Variants in FUT8 observed in about 807,000 individuals in gnomAD.
FUT8 encodes the protein fucosyltransferase 8.
A neutral mutation model predicts 71.3 loss-of-function variants in FUT8; 29 were observed. The observed-to-expected ratio is 0.41, with a 90% CI of 0.30 to 0.55. The LOEUF (loss-of-function observed/expected upper bound fraction) is 0.55. Ranked by LOEUF, FUT8 falls within the 20% of genes least tolerant of loss-of-function variation. The pLI is 0.34. For synonymous variants in FUT8, 254 were observed against 239.3 expected, an observed-to-expected ratio of 1.06 and a Z score of -0.57; for missense variants, 544 against 702.1, an observed-to-expected ratio of 0.77 and a Z score of 2.55.
At chr14:65,716,354 T>TTATCATTA (rs1212773386) in intron 7 of FUT8, among the ~76,000 whole-genome samples, 2 of 151,972 alleles carry the variant, frequency 1.3e-5, no homozygotes, top group African/African-American at 4.8e-5. Context: ...ATTGATCCCT[T>TTATCATTA]TATCATTATA....
At chr14:65,515,439 T>G (rs1882645157) in intron 2 of FUT8, among the ~76,000 whole-genome samples, 2 of 152,002 alleles carry the variant, frequency 1.3e-5, no homozygotes, top group African/African-American at 4.8e-5. Context: ...AGTGAGACAC[T>G]TGAACATACC....
At chr14:65,402,583 G>T in the FUT8 span, among the ~76,000 whole-genome samples, 2 of 152,088 alleles carry the variant, frequency 1.3e-5, no homozygotes, top group African/African-American at 4.8e-5. Flanking sequence ...CAGGAGAATG[G>T]CATGAACTAG....
intron 1 of FUT8, among the ~76,000 whole-genome samples, chr14:65,435,415 A>C (rs149361723): frequency 6.6e-6 from 1 of 152,248 alleles, no homozygotes; most frequent in Non-Finnish European, 1.5e-5. Flanking sequence ...ATTGAGATTC[A>C]TTTATGTTGC....
Position 65,712,648 on chromosome 14 carries a change from TTGGTCAGGC to T in FUT8, c.836-9124_836-9116del, listed in dbSNP as rs1201207486. Among the ~76,000 whole-genome samples the T allele has an allele frequency of 2.0e-5, 3 of 152,334 alleles. No individual in the cohort carries two copies. The East Asian group carries it at 5.8e-4, about 29-fold the overall frequency. On this transcript the variant is annotated intron_variant, in intron 7 of 10. Transcript: ENST00000673929. ...TTAGTAGAGATGGAGTTTCTCCATGTTGGTCAGGCTGATCTCAAACTTCTGACCTCAGGT... is the reference window on the plus strand; with the variant it reads ...TTAGTAGAGATGGAGTTTCTCCATGTTGATCTCAAACTTCTGACCTCAGGT...
intron 3 of FUT8, among the ~76,000 whole-genome samples, chr14:65,575,575 CCTTCCTT>C (rs757968203): frequency 0.41 from 4,692 of 11,422 alleles, 344 homozygotes; most frequent in Non-Finnish European, 0.48. Context: ...TTCTTTCCTT[CCTTCCTT>C]CTTCCTTCCT....
rs1019828998 is a variant in FUT8 at position 65,596,972 on chromosome 14, G to A, written c.204-19006G>A. ...AATTTGAGGGCTATACCATAAAATTGTTTACCAGTAATCTGTGCTGTTCCA... is the reference window on the plus strand; with the variant it reads ...AATTTGAGGGCTATACCATAAAATTATTTACCAGTAATCTGTGCTGTTCCA... On this transcript the variant is annotated intron_variant, in intron 3 of 10. Transcript: ENST00000673929. 2.0e-5 allele frequency among the ~76,000 whole-genome samples: 3 copies of A among 152,104 alleles called. No homozygotes were observed. The East Asian group carries it at 5.8e-4, about 29-fold the overall frequency.
At chr14:65,705,172 TATGACATAGAATTC>T in intron 7 of FUT8, among the ~76,000 whole-genome samples, 1 of 78,212 alleles carries the variant, frequency 1.3e-5, no homozygotes, top group Non-Finnish European at 4.1e-5. Context: ...ATAGAATTCA[TATGACATAGAATTC>T]ATATGACAGG....
chr14:65,582,862 A>G lies in FUT8; in HGVS notation c.203+21096A>G, dbSNP rs542650754. Among the ~76,000 whole-genome samples, 5 of 152,356 alleles carry G rather than the reference A, an allele frequency of 3.3e-5. No homozygotes were observed. In the East Asian group the frequency reaches 9.6e-4, roughly 29 times the overall value. ...GTTGATTTGGGGAACATTGTACCTG[A>G]TTAAAAAATCATTCTTTGTATTCTC... On this transcript the variant is annotated intron_variant, in intron 3 of 10. Transcript: ENST00000673929.
chr14:65,534,050 G>A lies in FUT8; in HGVS notation c.-227-27287G>A, dbSNP rs185588293. Among the ~76,000 whole-genome samples the A allele has an allele frequency of 4.3e-3, 660 of 152,144 alleles. 3 individuals are homozygous for A. The highest frequency in any genetic ancestry group is 6.3e-3 in the Non-Finnish European group (429 of 67,986). On this transcript the variant is annotated intron_variant, in intron 2 of 10. Transcript: ENST00000673929. The stretch of plus-strand genomic sequence containing the variant: ...CGCTAGTATTTTGTTGAAGATTTTT[G>A]CATCAGTGTTCATCAAGGATATTGA...
chr14:65,554,364 G>A (rs946009578), intron 2 of FUT8, among the ~76,000 whole-genome samples: 2 of 145,974 alleles, frequency 1.4e-5, no homozygotes, highest in African/African-American at 5.0e-5. Context: ...TAGAAGTCTG[G>A]TTTTGGTGTT....
At chr14:65,418,330 A>T (rs1476872646) in intron 1 of FUT8, among the ~76,000 whole-genome samples, 1 of 152,198 alleles carries the variant, frequency 6.6e-6, no homozygotes, top group Admixed American at 6.5e-5. Flanking sequence ...TTAAGTTTTT[A>T]TCAATGTTGT....
intron 6 of FUT8, among the ~76,000 whole-genome samples, chr14:65,637,290 T>C (rs1890610911): frequency 6.6e-6 from 1 of 152,210 alleles, no homozygotes; most frequent in Non-Finnish European, 1.5e-5. Flanking sequence ...AGAAAATTTA[T>C]GTTGCGATTT....
Position 65,472,141 on chromosome 14 carries a change from A to T in FUT8, c.-228+16423A>T, listed in dbSNP as rs1007058273. ...CGCACAGTTCTGCAGGCTGTACAAG[A>T]AGTATGGCACCAGGATCGGCTTGTA... On this transcript the variant is annotated intron_variant, in intron 2 of 10. Coordinates refer to ENST00000673929, the MANE Select transcript of FUT8 (RefSeq NM_001371533.1). The surrounding 1 kb of genome is among the most constrained non-coding windows in gnomAD (Gnocchi z 4.4). Among the ~76,000 whole-genome samples the T allele has an allele frequency of 1.3e-5, 2 of 152,138 alleles. No individual in the cohort carries two copies. The highest frequency in any genetic ancestry group is 2.9e-5 in the Non-Finnish European group (2 of 68,026).
intron 5 of FUT8, among the ~76,000 whole-genome samples, chr14:65,619,155 G>T (rs1232749119): frequency 1.3e-5 from 2 of 152,146 alleles, no homozygotes; most frequent in Non-Finnish European, 2.9e-5. Flanking sequence ...GTGTTCTGTG[G>T]TGAAAAACAG....
At chr14:65,364,541 G>A in the FUT8 span, among the ~76,000 whole-genome samples, 6 of 152,106 alleles carry the variant, frequency 3.9e-5, no homozygotes, top group Admixed American at 2.0e-4. Flanking sequence ...AGTGCAAGGC[G>A]CCCTTATCGT....
intron 3 of FUT8, among the ~76,000 whole-genome samples, chr14:65,588,504 A>G (rs1006478886): frequency 1.3e-5 from 2 of 152,296 alleles, no homozygotes; most frequent in South Asian, 4.1e-4. Flanking sequence ...TGACATTTCC[A>G]GATTGTAAAA....
chr14:65,612,639 A>C (rs543979596), intron 3 of FUT8, among the ~76,000 whole-genome samples: 1 of 152,094 alleles, frequency 6.6e-6, no homozygotes, highest in Non-Finnish European at 1.5e-5. Context: ...CATTTCTTCA[A>C]CTCAGTGAAT....
chr14:65,412,483 G>A (rs1405122825), upstream of FUT8: 10 of 393,166 alleles, frequency 2.5e-5, no homozygotes, highest in Non-Finnish European at 1.5e-5. Flanking sequence ...AGGCGGTAGA[G>A]GGCGGCCTAC....
At chr14:65,739,490 G>A (rs193128958) in intron 10 of FUT8, among the ~76,000 whole-genome samples, 29 of 152,158 alleles carry the variant, frequency 1.9e-4, no homozygotes, top group Admixed American at 1.3e-3. Flanking sequence ...GTCTCTAAGG[G>A]TGTGGGACAG....
Sources: gnomAD v4.1 joint callset for allele counts (sites outside exome capture counted in the v4.1 genomes callset) on GRCh38, gnomAD v4.1.1 for gene constraint, Gnocchi (gnomAD v3.1) non-coding constraint, MANE v1.5 for transcripts, NCBI Gene and HGNC (gene_info 2026-07-23, HGNC 2026-07-21) for gene names.